CADM1: variants seen among roughly 807,000 people sequenced by gnomAD.
CADM1 encodes TSLC-1.
A neutral mutation model predicts 53.1 loss-of-function variants in CADM1; 15 were observed. The observed-to-expected ratio is 0.28, with a 90% CI of 0.19 to 0.44. The LOEUF (loss-of-function observed/expected upper bound fraction) is 0.44, where lower values mean the gene tolerates loss of function less well. Among genes scored for constraint, CADM1 ranks in the 20% least tolerant of loss-of-function variants. The pLI, the probability that CADM1 is intolerant of heterozygous loss-of-function variation, is 1.00. For missense variants in CADM1, 434 were observed against 611.3 expected, an observed-to-expected ratio of 0.71 and a Z score of 3.06; for synonymous variants, 281 against 243.0, an observed-to-expected ratio of 1.16 and a Z score of -1.45.
At chr11:115,222,447 G>C (rs1225421114) in intron 5 of CADM1, among the ~76,000 whole-genome samples, 3 of 152,166 alleles carry the variant, frequency 2.0e-5, no homozygotes, top group African/African-American at 7.2e-5. Flanking sequence ...TGAATGAACG[G>C]AGTCACACAG....
chr11:115,406,957 A>G (rs975170004), intron 1 of CADM1, among the ~76,000 whole-genome samples: 1 of 152,002 alleles, frequency 6.6e-6, no homozygotes, highest in Non-Finnish European at 1.5e-5. Flanking sequence ...TCTTAAAAAA[A>G]AAAAAAAGAA....
chr11:115,335,772 CA>C (rs1293260505), intron 1 of CADM1, among the ~76,000 whole-genome samples: 1 of 152,052 alleles, frequency 6.6e-6, no homozygotes, highest in Admixed American at 6.6e-5. Flanking sequence ...TATTCAGTAT[CA>C]AAAAAGTCAC....
intron 9 of CADM1, among the ~76,000 whole-genome samples, chr11:115,195,268 C>T (rs1940090648): frequency 6.6e-6 from 1 of 152,202 alleles, no homozygotes; most frequent in Non-Finnish European, 1.5e-5. Context: ...CCTTCCAATA[C>T]ATGCTTATTC....
At chr11:115,252,011 T>G (rs1024319119) in intron 1 of CADM1, among the ~76,000 whole-genome samples, 1 of 152,206 alleles carries the variant, frequency 6.6e-6, no homozygotes, top group African/African-American at 2.4e-5. Flanking sequence ...CATCTAAGTG[T>G]GGGCTGCTGA....
intron 1 of CADM1, among the ~76,000 whole-genome samples, chr11:115,439,014 T>C (rs1228629900): frequency 6.6e-6 from 1 of 152,196 alleles, no homozygotes; most frequent in Non-Finnish European, 1.5e-5. Flanking sequence ...TGAAGCATTA[T>C]CATCAGAGAA....
At chr11:115,495,012 T>G (rs1440418963) in intron 1 of CADM1, among the ~76,000 whole-genome samples, 5 of 152,158 alleles carry the variant, frequency 3.3e-5, no homozygotes. Flanking sequence ...GACAGAGAGC[T>G]CTTCACAATG....
At chr11:115,370,859 A>G (rs17118309) in intron 1 of CADM1, among the ~76,000 whole-genome samples, 2,069 of 152,318 alleles carry the variant, frequency 0.014, 16 homozygotes, top group Middle Eastern at 0.017. Context: ...CTCAGCTATT[A>G]AAGAATTCAG....
chr11:115,246,934 C>T (rs549502274), intron 1 of CADM1, among the ~76,000 whole-genome samples: 1 of 152,170 alleles, frequency 6.6e-6, no homozygotes, highest in African/African-American at 2.4e-5. Flanking sequence ...AAGAGTAATC[C>T]TCCTCTGTGC....
intron 1 of CADM1, among the ~76,000 whole-genome samples, chr11:115,444,172 A>G (rs1948394408): frequency 1.3e-5 from 2 of 152,214 alleles, no homozygotes; most frequent in South Asian, 2.1e-4. Flanking sequence ...CTCAGCGATA[A>G]AAAGAAAAAA....
chr11:115,415,674 A>C (rs946464990), intron 1 of CADM1, among the ~76,000 whole-genome samples: 1 of 151,852 alleles, frequency 6.6e-6, no homozygotes, highest in African/African-American at 2.4e-5. Flanking sequence ...AGTCTCTATT[A>C]AAAATACAAC....
chr11:115,419,339 A>AC (rs1947695450), intron 1 of CADM1, among the ~76,000 whole-genome samples: 1 of 152,200 alleles, frequency 6.6e-6, no homozygotes, highest in African/African-American at 2.4e-5. Flanking sequence ...TCTGAAGTAC[A>AC]CAAGTAACTT....
At chr11:115,503,852 G>T (rs1949790502) in intron 1 of CADM1, among the ~76,000 whole-genome samples, 1 of 152,100 alleles carries the variant, frequency 6.6e-6, no homozygotes, top group African/African-American at 2.4e-5. Flanking sequence ...TGGAGAGGTG[G>T]GGGCGAATGG....
intron 11 of CADM1, among the ~76,000 whole-genome samples, 173 bp from the exon 12 acceptor site, chr11:115,176,765 G>A (rs1375864373): frequency 1.3e-5 from 2 of 152,156 alleles, no homozygotes; most frequent in African/African-American, 2.4e-5. Flanking sequence ...GGGGATCCGG[G>A]GGTTCCAAAG....
intron 1 of CADM1, among the ~76,000 whole-genome samples, chr11:115,285,654 AACAAAT>A (rs1943710841): frequency 1.3e-5 from 2 of 152,256 alleles, no homozygotes; most frequent in African/African-American, 4.8e-5. Context: ...TTAATCTGAA[AACAAAT>A]ACAAAGAGGG....
At chr11:115,356,397 G>A (rs951600748) in intron 1 of CADM1, among the ~76,000 whole-genome samples, 3 of 151,946 alleles carry the variant, frequency 2.0e-5, no homozygotes, top group African/African-American at 7.3e-5. Flanking sequence ...AAAACTACAG[G>A]AGGAAACGAC....
At chr11:115,276,556 T>C (rs933149298) in intron 1 of CADM1, among the ~76,000 whole-genome samples, 2 of 152,178 alleles carry the variant, frequency 1.3e-5, no homozygotes, top group African/African-American at 4.8e-5. Flanking sequence ...AAATAAAATA[T>C]TGTATGTAAA....
chr11:115,193,351 T>C (rs1014118258), intron 9 of CADM1, among the ~76,000 whole-genome samples: 1 of 152,260 alleles, frequency 6.6e-6, no homozygotes, highest in African/African-American at 2.4e-5. Context: ...AATGAAAGTT[T>C]ACTTTTTGTC....
chr11:115,318,161 A>G (rs1302621849), intron 1 of CADM1, among the ~76,000 whole-genome samples: 2 of 152,200 alleles, frequency 1.3e-5, no homozygotes, highest in Non-Finnish European at 2.9e-5. Context: ...CTATACTTTC[A>G]GAACTGCTGA....
Position 115,178,744 on chromosome 11 carries a change from C to T in CADM1, c.1197G>A (p.Arg399=). 1 of 1,614,028 alleles carries T rather than the reference C, an allele frequency of 6.2e-7. No individual in the cohort carries two copies. The stretch of plus-strand genomic sequence containing the variant: ...CACCGATCACGGCATGATCCACTGC[C>T]CTGATCGAGCCTTCTTCACCTGCTC... ...DSRAGEEGSI[R]AVDHAVIGGV... The change falls in exon 11 of 12, where the codon AGG becomes AGA. Residue 399 remains arginine (R), a synonymous_variant. Transcript: ENST00000331581.
Sources: gnomAD v4.1 joint callset for allele counts (sites outside exome capture counted in the v4.1 genomes callset) on GRCh38, gnomAD v4.1.1 for gene constraint, MANE v1.5 for transcripts, NCBI Gene and HGNC (gene_info 2026-07-23, HGNC 2026-07-21) for gene names.